The following HMGA2 variants were observed in gnomAD, a reference collection of about 807,000 sequenced individuals.
HMGA2 encodes the protein high mobility group protein HMGI-C.
Under a neutral mutation model 19.1 loss-of-function variants are expected in HMGA2, and 8 were observed. The observed-to-expected ratio is 0.42, with a 90% CI of 0.25 to 0.76. The LOEUF (loss-of-function observed/expected upper bound fraction) is 0.76, where lower values mean the gene tolerates loss of function less well. HMGA2 is among the 30% of genes least tolerant of loss of function. HMGA2 has a pLI of 0.28. For synonymous variants in HMGA2, 60 were observed against 48.8 expected (o/e 1.23, Z -0.96); for missense variants, 109 against 136.3 (o/e 0.80, Z 1.00).
intron 4 of HMGA2, chr12:65,952,525 C>A (rs1345638336): frequency 7.7e-6 from 11 of 1,429,210 alleles, no homozygotes; most frequent in African/African-American, 1.4e-5. Flanking sequence ...AACAGAGTTA[C>A]CATGAAAAAA....
chr12:65,828,452 T>C (rs1870327225), intron 2 of HMGA2: 2 of 236,276 alleles, frequency 8.5e-6, no homozygotes, highest in South Asian at 5.7e-5. Context: ...ACTATAGATT[T>C]TGCCTGGTGG....
At chr12:65,915,235 C>A in intron 3 of HMGA2, 1 of 1,578,672 alleles carries the variant, frequency 6.3e-7, no homozygotes, top group Non-Finnish European at 8.6e-7. Flanking sequence ...GATATAGAAA[C>A]CTATCAGGTG....
At chr12:65,874,595 G>C (rs893344472) in intron 3 of HMGA2, among the ~76,000 whole-genome samples, 11 of 152,122 alleles carry the variant, frequency 7.2e-5, no homozygotes, top group African/African-American at 2.7e-4. Flanking sequence ...GAGTGCAGGT[G>C]ACCTCTATGT....
At chr12:65,952,974 G>A (rs1250337270) in intron 4 of HMGA2, 1 of 152,404 alleles carries the variant, frequency 6.6e-6, no homozygotes, top group Non-Finnish European at 1.5e-5. Flanking sequence ...TGAGCAAATA[G>A]TGAACATCTC....
chr12:65,888,616 T>A (rs532390716), intron 3 of HMGA2, among the ~76,000 whole-genome samples: 151 of 101,766 alleles, frequency 1.5e-3, no homozygotes, highest in South Asian at 2.4e-3. Flanking sequence ...CAGGCTGGAG[T>A]GCAGTGGCGC....
At chr12:65,843,663 C>T (rs71450832) in intron 3 of HMGA2, 1 of 141,254 alleles carries the variant, frequency 7.1e-6, no homozygotes, top group Admixed American at 7.1e-5. Flanking sequence ...AGGTTTGCTA[C>T]TTACACACAC....
intron 3 of HMGA2, among the ~76,000 whole-genome samples, chr12:65,844,118 T>A (rs1871137707): frequency 6.6e-6 from 1 of 151,848 alleles, no homozygotes; most frequent in Non-Finnish European, 1.5e-5. Context: ...TAATGCAGAT[T>A]GAAGATAATT....
intron 3 of HMGA2, among the ~76,000 whole-genome samples, chr12:65,891,706 C>T (rs1032222457): frequency 6.6e-6 from 1 of 152,204 alleles, no homozygotes; most frequent in African/African-American, 2.4e-5. Context: ...AGAGAAGAGA[C>T]AGGACACTAG....
At chr12:65,898,705 A>G (rs1874239964) in intron 3 of HMGA2, among the ~76,000 whole-genome samples, 1 of 152,074 alleles carries the variant, frequency 6.6e-6, no homozygotes, top group Non-Finnish European at 1.5e-5. Flanking sequence ...ATTATCCTTA[A>G]TCCTCCTAGC....
At chr12:65,826,079 C>T (rs1417091205) in intron 1 of HMGA2, 2 of 152,280 alleles carry the variant, frequency 1.3e-5, no homozygotes, top group African/African-American at 4.8e-5. Context: ...GTTAACTCGC[C>T]CAGCTAAGGG....
In HMGA2 at chr12:65,865,119, C is replaced by T. The variant is rs116429574; in HGVS notation, c.249+26550C>T. Among the ~76,000 whole-genome samples, 1,017 of 152,192 alleles carry T rather than the reference C, an allele frequency of 6.7e-3. 11 individuals are homozygous for T. The highest frequency in any genetic ancestry group is 0.023 in the African/African-American group (968 of 41,512). On this transcript the variant is annotated intron_variant, in intron 3 of 4. Transcript: ENST00000403681. Reference sequence around the variant, plus strand: ...AGTAGTGAACAAATTTTCTCTCTTGCTTGTCTTATTTTTTTGTAGTTTACA... The same window carrying T: ...AGTAGTGAACAAATTTTCTCTCTTGTTTGTCTTATTTTTTTGTAGTTTACA...
chr12:65,909,299 A>G lies in HMGA2; in HGVS notation c.250-42084A>G, dbSNP rs372169437. The stretch of plus-strand genomic sequence containing the variant: ...TGCCCCATTTAATATAAATTATATT[A>G]CCTGTGGAATTTAAAAGGATATAAG... On this transcript the variant is annotated intron_variant, in intron 3 of 4. Coordinates refer to ENST00000403681, the MANE Select transcript of HMGA2 (RefSeq NM_003483.6). Among the ~76,000 whole-genome samples the G allele has an allele frequency of 3.3e-5, 5 of 152,246 alleles. No homozygotes were observed. The East Asian group carries it at 5.8e-4, about 18-fold the overall frequency.
At chr12:65,870,455 G>C (rs1186334016) in intron 3 of HMGA2, among the ~76,000 whole-genome samples, 1 of 152,216 alleles carries the variant, frequency 6.6e-6, no homozygotes, top group Non-Finnish European at 1.5e-5. Context: ...CTGGGGGCAG[G>C]CGTGGTGGCT....
chr12:65,941,578 C>T (rs1156728348), intron 3 of HMGA2, among the ~76,000 whole-genome samples: 1 of 152,136 alleles, frequency 6.6e-6, no homozygotes, highest in Non-Finnish European at 1.5e-5. Flanking sequence ...TCATAGAGCA[C>T]TCAACCCATA....
chr12:65,899,574 G>T (rs1874289380), intron 3 of HMGA2, among the ~76,000 whole-genome samples: 1 of 152,154 alleles, frequency 6.6e-6, no homozygotes, highest in South Asian at 2.1e-4. Context: ...ATTTTGGCCT[G>T]GGAAAGGAAC....
intron 3 of HMGA2, chr12:65,855,965 T>C (rs1275208237): frequency 6.6e-6 from 1 of 152,180 alleles, no homozygotes; most frequent in African/African-American, 2.4e-5. Context: ...TATTCTTTAT[T>C]TTTGGTGGTA....
intron 3 of HMGA2, among the ~76,000 whole-genome samples, chr12:65,847,275 C>A (rs927236358): frequency 6.6e-6 from 1 of 151,830 alleles, no homozygotes; most frequent in African/African-American, 2.4e-5. Flanking sequence ...GGTGTTAAAT[C>A]GTCAGGTACA....
intron 3 of HMGA2, among the ~76,000 whole-genome samples, chr12:65,883,553 A>T (rs1308048387): frequency 6.6e-6 from 1 of 152,230 alleles, no homozygotes; most frequent in Non-Finnish European, 1.5e-5. Context: ...GCTCCTATGC[A>T]CTTAGTCACT....
chr12:65,860,349 G>T (rs982326252), intron 3 of HMGA2, among the ~76,000 whole-genome samples: 3 of 152,146 alleles, frequency 2.0e-5, no homozygotes, highest in South Asian at 2.1e-4. Context: ...AAAACAGAAT[G>T]GTTGTATGGA....
Sources: allele counts gnomAD v4.1 joint callset (sites outside exome capture counted in the v4.1 genomes callset), GRCh38; gene constraint gnomAD v4.1.1; transcripts MANE v1.5; gene names NCBI Gene and HGNC (gene_info 2026-07-23, HGNC 2026-07-21).